The following CD2AP variants were observed in gnomAD, a reference collection of about 807,000 sequenced individuals.
CD2AP encodes the protein CD2-associated protein.
Under a neutral mutation model 85.1 loss-of-function variants are expected in CD2AP, and 46 were observed. That is an observed-to-expected ratio of 0.54 (90% CI 0.43 to 0.69). CD2AP has a LOEUF of 0.69. CD2AP is among the 30% of genes least tolerant of loss of function. The probability of loss-of-function intolerance (pLI) is 0.00; values close to 1 mark genes in which losing one functional copy is unlikely to be tolerated. For missense variants in CD2AP, 769 were observed against 729.5 expected (o/e 1.05, Z -0.62); for synonymous variants, 255 against 252.9 (o/e 1.01, Z -0.08).
intron 2 of CD2AP, among the ~76,000 whole-genome samples, chr6:47,519,318 TC>T (rs1190933686): frequency 1.3e-5 from 2 of 152,016 alleles, no homozygotes; most frequent in Non-Finnish European, 1.5e-5. Flanking sequence ...AGGAATGAAT[TC>T]CCTTTGAGAA....
At chr6:47,538,763 A>G (rs1269671304) in intron 3 of CD2AP, among the ~76,000 whole-genome samples, 1 of 152,170 alleles carries the variant, frequency 6.6e-6, no homozygotes, top group African/African-American at 2.4e-5. Flanking sequence ...TCAGTGAGAA[A>G]TGGTTTCATA....
chr6:47,570,401 G>A (rs988255506), intron 5 of CD2AP, among the ~76,000 whole-genome samples: 6 of 152,106 alleles, frequency 3.9e-5, no homozygotes, highest in Admixed American at 1.3e-4. Flanking sequence ...GCAATTCAAG[G>A]ACAATCAGAT....
chr6:47,540,428 A>G (rs986840134), intron 3 of CD2AP, among the ~76,000 whole-genome samples: 4 of 152,144 alleles, frequency 2.6e-5, no homozygotes, highest in African/African-American at 9.7e-5. Context: ...ACCTCAATTT[A>G]TGAGTGAACC....
In CD2AP at chr6:47,497,337, C is replaced by T. The variant is rs139650514; in HGVS notation, c.5-5943C>T. Reference sequence around the variant, plus strand: ...TTTCCTTTCCTTTCCTTTCCTTTCCCTTCCCTTCCCTCCCCTTCCCCTTCC... The same window carrying T: ...TTTCCTTTCCTTTCCTTTCCTTTCCTTTCCCTTCCCTCCCCTTCCCCTTCC... On this transcript the variant is annotated intron_variant, in intron 1 of 17. Coordinates refer to ENST00000359314, the MANE Select transcript of CD2AP (RefSeq NM_012120.3). Among the ~76,000 whole-genome samples, 296 of 101,580 alleles carry T rather than the reference C, an allele frequency of 2.9e-3. 2 individuals carry two copies. The highest frequency in any genetic ancestry group is 7.6e-3 in the Middle Eastern group (1 of 132). 66.6% of individuals were successfully genotyped at this position (101,580 alleles called of 152,430 possible).
chr6:47,526,706 T>C (rs1033799998), intron 2 of CD2AP, among the ~76,000 whole-genome samples: 8 of 152,146 alleles, frequency 5.3e-5, no homozygotes, highest in African/African-American at 1.9e-4. Flanking sequence ...TTTGGTCAGA[T>C]TGGAGTTACT....
chr6:47,599,886 T>C (rs930305767), intron 13 of CD2AP, among the ~76,000 whole-genome samples: 1 of 152,054 alleles, frequency 6.6e-6, no homozygotes, highest in Non-Finnish European at 1.5e-5. Context: ...GAGGAAAATA[T>C]GCTTTTTCTA....
At chr6:47,553,184 C>T (rs1246561243) in intron 4 of CD2AP, among the ~76,000 whole-genome samples, 2 of 152,070 alleles carry the variant, frequency 1.3e-5, no homozygotes, top group Non-Finnish European at 2.9e-5. Flanking sequence ...GTGACTAACA[C>T]ATATTGGCTG....
At chr6:47,597,842 T>C (rs570427773) in intron 12 of CD2AP, among the ~76,000 whole-genome samples, 2 of 150,750 alleles carry the variant, frequency 1.3e-5, no homozygotes, top group South Asian at 4.2e-4. Context: ...GGAATAAAGT[T>C]GGCCTGGGTG....
At chr6:47,564,536 CCTT>C (rs1767942421) in intron 5 of CD2AP, among the ~76,000 whole-genome samples, 1 of 152,042 alleles carries the variant, frequency 6.6e-6, no homozygotes, top group Non-Finnish European at 1.5e-5. Context: ...AAATACCCTT[CCTT>C]CTTTGTTTAA....
At chr6:47,528,644 A>G (rs147409273) in intron 2 of CD2AP, among the ~76,000 whole-genome samples, 14 of 152,348 alleles carry the variant, frequency 9.2e-5, no homozygotes, top group African/African-American at 3.4e-4. Flanking sequence ...AATACAATAA[A>G]ACATAATCCC....
intron 1 of CD2AP, among the ~76,000 whole-genome samples, chr6:47,488,025 CTTT>C (rs35093088): frequency 2.4e-5 from 3 of 127,624 alleles, no homozygotes; most frequent in Admixed American, 8.0e-5. Context: ...GGATGAGATC[CTTT>C]TTTTTTTTTT....
chr6:47,498,916 C>G (rs550560360), intron 1 of CD2AP, among the ~76,000 whole-genome samples: 1 of 152,058 alleles, frequency 6.6e-6, no homozygotes, highest in Non-Finnish European at 1.5e-5. Flanking sequence ...ACAATACAAC[C>G]ATAACATTTA....
chr6:47,624,677 C>CTG lies in CD2AP; in HGVS notation c.*451_*452insGT, dbSNP rs886061523. The stretch of plus-strand genomic sequence containing the variant: ...TTCCATAATGCATAAGGGATATAAA[C>CTG]TCTGTGTGTGTGTGTGTGTGTGTGT... On this transcript the variant is annotated 3_prime_UTR_variant, in exon 18 of 18. Transcript: ENST00000359314. 816 of 105,880 alleles carry CTG rather than the reference C, an allele frequency of 7.7e-3. 2 individuals are homozygous for CTG. Among genetic ancestry groups the CTG allele is most frequent in the Non-Finnish European group, 0.011 (590 of 54,736 alleles). 6.6% of individuals were successfully genotyped at this position (105,880 alleles called of 1,614,324 possible).
In CD2AP at chr6:47,561,642, A is replaced by G. The variant is rs553215389; in HGVS notation, c.541+6876A>G. ...ACCCATATGTCTTGATCATTCATCT[A>G]TTTATCCATCTTTACTAGTACCTCT... On this transcript the variant is annotated intron_variant, in intron 5 of 17. Transcript: ENST00000359314. 3.9e-4 allele frequency among the ~76,000 whole-genome samples: 60 copies of G among 152,148 alleles called. No homozygotes were observed. In the South Asian group the frequency reaches 0.012, roughly 29 times the overall value.
At chr6:47,611,798 A>G (rs1043009790) in intron 16 of CD2AP, among the ~76,000 whole-genome samples, 1 of 152,062 alleles carries the variant, frequency 6.6e-6, no homozygotes, top group African/African-American at 2.4e-5. Context: ...CAGCCAAACA[A>G]AAAACCTCGA....
rs10522555 is a variant in CD2AP at position 47,532,376 on chromosome 6, TACACAC to T, written c.166-1186_166-1181del. 7.0e-3 allele frequency among the ~76,000 whole-genome samples: 1,000 copies of T among 142,004 alleles called. 10 individuals carry two copies. The highest frequency in any genetic ancestry group is 0.016 in the East Asian group (79 of 4,866). 93.2% of individuals were successfully genotyped at this position (142,004 alleles called of 152,430 possible). A position where few individuals can be genotyped will look rare whatever the true frequency, so the allele number is the denominator to read the frequency against. Reference sequence around the variant, plus strand: ...AAAAAAAAGTATATATATATATGTATACACACACACACACACACACACACACACACA... The same window carrying T: ...AAAAAAAAGTATATATATATATGTATACACACACACACACACACACACACA... On this transcript the variant is annotated intron_variant, in intron 2 of 17. Coordinates refer to ENST00000359314, the MANE Select transcript of CD2AP (RefSeq NM_012120.3).
chr6:47,542,304 T>C (rs111559658), intron 3 of CD2AP, among the ~76,000 whole-genome samples: 48 of 152,230 alleles, frequency 3.2e-4, no homozygotes, highest in Admixed American at 1.3e-4. Context: ...TGATGGAGTG[T>C]AGACACTCTT....
chr6:47,517,285 T>A (rs187776595), intron 2 of CD2AP, among the ~76,000 whole-genome samples: 3 of 134,926 alleles, frequency 2.2e-5, no homozygotes, highest in Non-Finnish European at 3.1e-5. Flanking sequence ...ATTAAACTTC[T>A]TTTTTTTTTT....
chr6:47,523,038 G>T (rs1365116122), intron 2 of CD2AP, among the ~76,000 whole-genome samples: 4 of 151,928 alleles, frequency 2.6e-5, no homozygotes, highest in African/African-American at 9.7e-5. Flanking sequence ...TTAAGTAAAG[G>T]AAATGACAAT....
Sources: gnomAD v4.1 joint callset for allele counts (sites outside exome capture counted in the v4.1 genomes callset) on GRCh38, gnomAD v4.1.1 for gene constraint, MANE v1.5 for transcripts, NCBI Gene and HGNC (gene_info 2026-07-23, HGNC 2026-07-21) for gene names.